Variants in XRCC6 observed in about 807,000 individuals in gnomAD.
XRCC6 encodes the protein X-ray repair cross complementing 6, also known as DNA repair protein Ku70.
XRCC6 carries 5 observed loss-of-function variants against 65.7 expected under a neutral mutation model. The observed-to-expected ratio is 0.08, with a 90% confidence interval of 0.04 to 0.16. The LOEUF is 0.16. Among genes scored for constraint, XRCC6 ranks in the 10% least tolerant of loss-of-function variants. XRCC6 has a pLI of 1.00. For synonymous variants in XRCC6, 270 were observed against 270.6 expected (o/e 1.00, Z 0.02); for missense variants, 447 against 738.1 (o/e 0.61, Z 4.57).
In XRCC6 at chr22:41,661,904, G is replaced by A. The variant is rs141090625; in HGVS notation, c.1636+460G>A. 8.0e-3 allele frequency among the ~76,000 whole-genome samples: 1,211 copies of A among 152,220 alleles called. 16 individuals carry two copies. The highest frequency in any genetic ancestry group is 0.027 in the African/African-American group (1,131 of 41,528). On this transcript the variant is annotated intron_variant, in intron 12 of 12. Coordinates refer to ENST00000360079, the MANE Select transcript of XRCC6 (RefSeq NM_001469.5). ...ACACGTACACAATGGAGTACTATTCGGCCATAAAAAAGAATGAGATCCTGT... is the reference window on the plus strand; with the variant it reads ...ACACGTACACAATGGAGTACTATTCAGCCATAAAAAAGAATGAGATCCTGT...
chr22:41,629,797 G>A (rs888294189), intron 3 of XRCC6, among the ~76,000 whole-genome samples: 3 of 152,036 alleles, frequency 2.0e-5, no homozygotes, highest in Admixed American at 2.0e-4. Context: ...AGCCTCCAGA[G>A]TAGCTGGGAC....
chr22:41,661,506 C>A, intron 12 of XRCC6, 62 bp downstream of exon 12: 3 of 1,355,022 alleles, frequency 2.2e-6, no homozygotes, highest in Non-Finnish European at 3.1e-6. Context: ...ATAGTCTTAT[C>A]ACAGTGGGCA....
intron 2 of XRCC6, among the ~76,000 whole-genome samples, chr22:41,625,408 A>G (rs1317166531): frequency 6.6e-6 from 1 of 152,200 alleles, no homozygotes; most frequent in Non-Finnish European, 1.5e-5. Context: ...GAGGCAGGCT[A>G]TCACCTGAGG....
intron 10 of XRCC6, 132 bp downstream of exon 10, chr22:41,657,164 T>G (rs907137864): frequency 1.4e-5 from 16 of 1,184,524 alleles, no homozygotes; most frequent in Non-Finnish European, 1.8e-5. Context: ...TTATTAATAG[T>G]TTTTTGAAAG....
At chr22:41,625,913 G>A (rs753840200) in intron 2 of XRCC6, among the ~76,000 whole-genome samples, 5 of 151,938 alleles carry the variant, frequency 3.3e-5, no homozygotes, top group Admixed American at 1.3e-4. Context: ...ATCTCGGCTC[G>A]CTGCAATCTC....
chr22:41,652,280 G>C (rs1416654290), intron 8 of XRCC6, among the ~76,000 whole-genome samples: 1 of 151,798 alleles, frequency 6.6e-6, no homozygotes, highest in Non-Finnish European at 1.5e-5. Flanking sequence ...GAACACCCCA[G>C]ATTTGACTCG....
rs911239658 is a variant in XRCC6, at chr22:41,648,575, C to T, written c.960+1493C>T. The stretch of plus-strand genomic sequence containing the variant: ...CAGGACGCAGAACATTGTCTTTTCT[C>T]ATCCTCTTACCTTTGCTCAGTCTAT... On this transcript the variant is annotated intron_variant, in intron 7 of 12. Transcript: ENST00000360079. Among the ~76,000 whole-genome samples the T allele has an allele frequency of 7.2e-5, 11 of 152,240 alleles. No individual in the cohort carries two copies. The East Asian group carries it at 1.2e-3, about 16-fold the overall frequency.
intron 6 of XRCC6, among the ~76,000 whole-genome samples, chr22:41,640,540 C>A (rs957719046): frequency 6.6e-6 from 1 of 152,164 alleles, no homozygotes; most frequent in Non-Finnish European, 1.5e-5. Flanking sequence ...CTCAAGCTTT[C>A]ATTCTGGAGT....
intron 5 of XRCC6, 32 bp downstream of exon 5, chr22:41,636,802 C>T (rs201078354): frequency 1.8e-5 from 28 of 1,597,072 alleles, no homozygotes; most frequent in East Asian, 6.7e-5. Flanking sequence ...CTTAAATTGG[C>T]ACTTAATTAT....
At chr22:41,651,037 G>A in intron 8 of XRCC6, 146 bp downstream of exon 8, 3 of 1,124,156 alleles carry the variant, frequency 2.7e-6, no homozygotes, top group Non-Finnish European at 3.7e-6. Flanking sequence ...CTGGTGCAGT[G>A]GCTCACACCT....
intron 6 of XRCC6, among the ~76,000 whole-genome samples, chr22:41,646,508 A>G (rs1032563677): frequency 2.5e-4 from 38 of 152,166 alleles, no homozygotes; most frequent in African/African-American, 8.4e-4. Flanking sequence ...GCACCGACCT[A>G]ATGTTCAAAG....
chr22:41,649,139 A>AAATATATATAT, intron 7 of XRCC6, among the ~76,000 whole-genome samples: 1 of 88,734 alleles, frequency 1.1e-5, no homozygotes, highest in Non-Finnish European at 2.1e-5. Flanking sequence ...AAAAAAAAAA[A>AAATATATATAT]ATATATATAT....
chr22:41,638,656 G>T (rs2067838004), intron 6 of XRCC6, among the ~76,000 whole-genome samples: 1 of 151,392 alleles, frequency 6.6e-6, no homozygotes. Context: ...GTGATGGCGC[G>T]CGCCTGTAGT....
intron 3 of XRCC6, among the ~76,000 whole-genome samples, chr22:41,631,591 C>G (rs1444621690): frequency 7.7e-6 from 1 of 130,280 alleles, no homozygotes. Flanking sequence ...AGAGACGCTC[C>G]TCACTTCCTA....
At position 41,659,082 on chromosome 22, in the gene XRCC6, G is replaced by C. The variant is rs756138411; in HGVS notation, c.1522+730G>C. Reference sequence around the variant, plus strand: ...TTCTCGTGTCTCAGACTCCCGAGCAGTTGGTCCCCGCCCGGCTAATTTTTG... The same window carrying C: ...TTCTCGTGTCTCAGACTCCCGAGCACTTGGTCCCCGCCCGGCTAATTTTTG... On this transcript the variant is annotated intron_variant, in intron 11 of 12. Coordinates refer to ENST00000360079, the MANE Select transcript of XRCC6 (RefSeq NM_001469.5). Among the ~76,000 whole-genome samples the C allele has an allele frequency of 5.1e-4, 77 of 152,192 alleles. 1 individual carries two copies. Among genetic ancestry groups the C allele is most frequent in the Admixed American group, 5.0e-3 (76 of 15,264 alleles).
At chr22:41,648,168 A>G (rs2067955654) in intron 7 of XRCC6, 1 of 151,524 alleles carries the variant, frequency 6.6e-6, no homozygotes, top group Admixed American at 6.6e-5. Flanking sequence ...TTAGTTGTAA[A>G]CACCACCGCA....
At chr22:41,661,663 T>G in intron 12 of XRCC6, 1 of 504,772 alleles carries the variant, frequency 2.0e-6, no homozygotes, top group Non-Finnish European at 3.5e-6. Flanking sequence ...GCCACTATTA[T>G]GGAGAATAGT....
At chr22:41,623,019 A>G (rs775558505) in intron 2 of XRCC6, among the ~76,000 whole-genome samples, 26 of 152,040 alleles carry the variant, frequency 1.7e-4, no homozygotes, top group Admixed American at 6.6e-4. Flanking sequence ...CTCTAACACA[A>G]CCACTACCAG....
chr22:41,654,009 G>A (rs1237355885), intron 9 of XRCC6, among the ~76,000 whole-genome samples: 1 of 152,150 alleles, frequency 6.6e-6, no homozygotes, highest in African/African-American at 2.4e-5. Flanking sequence ...CAAAGCCATT[G>A]TTTGGCACCC....
Sources: allele counts gnomAD v4.1 joint callset (sites outside exome capture counted in the v4.1 genomes callset), GRCh38; gene constraint gnomAD v4.1.1; transcripts MANE v1.5; gene names NCBI Gene and HGNC (gene_info 2026-07-23, HGNC 2026-07-21).